The following GOLGA1 variants were observed in gnomAD, a reference collection of about 807,000 sequenced individuals.
GOLGA1 encodes golgin A1.
Under a neutral mutation model 119.7 loss-of-function variants are expected in GOLGA1, and 63 were observed. The observed-to-expected ratio is 0.53, with a 90% confidence interval of 0.43 to 0.65. The LOEUF (loss-of-function observed/expected upper bound fraction) is 0.65, where lower values mean the gene tolerates loss of function less well. Ranked by LOEUF, GOLGA1 falls within the 30% of genes least tolerant of loss-of-function variation. GOLGA1 has a pLI of 0.00. For missense variants in GOLGA1, 798 were observed against 912.8 expected (o/e 0.87, Z 1.62); for synonymous variants, 318 against 333.4 (o/e 0.95, Z 0.50).
At chr9:124,902,302 C>T (rs1291008590) in intron 12 of GOLGA1, among the ~76,000 whole-genome samples, 1 of 150,818 alleles carries the variant, frequency 6.6e-6, no homozygotes, top group Non-Finnish European at 1.5e-5. Flanking sequence ...TTAGTAGAGA[C>T]GGGGTTTCAC....
At chr9:124,902,175 G>A (rs1830121075) in intron 12 of GOLGA1, among the ~76,000 whole-genome samples, 3 of 152,018 alleles carry the variant, frequency 2.0e-5, no homozygotes, top group Admixed American at 2.0e-4. Flanking sequence ...GCAGTGGCAT[G>A]ATCTCGGCTC....
chr9:124,922,483 C>T (rs529893009), intron 8 of GOLGA1, among the ~76,000 whole-genome samples: 59 of 135,418 alleles, frequency 4.4e-4, no homozygotes, highest in African/African-American at 1.6e-3. Flanking sequence ...TCTGGGAGGT[C>T]GAGGCTGCAG....
intron 7 of GOLGA1, among the ~76,000 whole-genome samples, chr9:124,925,660 A>T (rs1166831808): frequency 6.6e-6 from 1 of 152,044 alleles, no homozygotes; most frequent in East Asian, 1.9e-4. Context: ...TTGAGGCTGC[A>T]CTGAGCTGTG....
Position 124,894,965 on chromosome 9 carries a change from A to T in GOLGA1, c.1407+3584T>A, listed in dbSNP as rs187092494. ...CAACAGAGACCCATCCACAACAGAGACCCATCCACAACAGAGAACCCTCCA... is the reference window on the plus strand; with the variant it reads ...CAACAGAGACCCATCCACAACAGAGTCCCATCCACAACAGAGAACCCTCCA... On this transcript the variant is annotated intron_variant, in intron 15 of 22. Transcript: ENST00000373555. Among the ~76,000 whole-genome samples the T allele has an allele frequency of 6.0e-3, 915 of 151,712 alleles. 19 individuals carry two copies. Among genetic ancestry groups the T allele is most frequent in the Admixed American group, 0.054 (828 of 15,222 alleles).
chr9:124,892,486 TA>T (rs1169313377), intron 15 of GOLGA1, among the ~76,000 whole-genome samples: 1 of 152,066 alleles, frequency 6.6e-6, no homozygotes, highest in Admixed American at 6.5e-5. Context: ...ATATTATAAT[TA>T]TTTTTTTGAG....
At chr9:124,883,028 TG>T (rs1829627457) in intron 19 of GOLGA1, among the ~76,000 whole-genome samples, 1 of 152,380 alleles carries the variant, frequency 6.6e-6, no homozygotes, top group East Asian at 1.9e-4. Flanking sequence ...ATGCTTATTT[TG>T]AACACCCTAA....
chr9:124,923,322 G>T, intron 7 of GOLGA1, 99 bp from the exon 8 acceptor site: 1 of 1,001,230 alleles, frequency 1.0e-6, no homozygotes, highest in Non-Finnish European at 1.5e-6. Flanking sequence ...TTTGTCTTTA[G>T]AGACAGAGTC....
chr9:124,930,319 G>A (rs1449924086), intron 4 of GOLGA1, among the ~76,000 whole-genome samples: 1 of 152,168 alleles, frequency 6.6e-6, no homozygotes, highest in Non-Finnish European at 1.5e-5. Flanking sequence ...ATGGGTAGGA[G>A]TAACAGGATA....
At chr9:124,896,556 T>C (rs1456645020) in intron 15 of GOLGA1, among the ~76,000 whole-genome samples, 4 of 152,242 alleles carry the variant, frequency 2.6e-5, no homozygotes, top group African/African-American at 9.6e-5. Context: ...TCTTCTTGCT[T>C]CTGCTCATGC....
rs1280460467 is a variant in GOLGA1, at chr9:124,888,167, A to T, written c.1905+86T>A. On this transcript the variant is annotated intron_variant, in intron 19 of 22. Coordinates refer to ENST00000373555, the MANE Select transcript of GOLGA1 (RefSeq NM_002077.4). The surrounding 1 kb of genome is among the most constrained non-coding windows in gnomAD (Gnocchi z 4.4). ...CAGGAGGTGCGGGGGAAACCACAAA[A>T]ACCTCCAAGGATGGACTGGGTCATT... The T allele has an allele frequency of 1.5e-6, 2 of 1,336,946 alleles. No individual in the cohort carries two copies. The highest frequency in any genetic ancestry group is 1.8e-5 in the Admixed American group (1 of 56,712). 82.8% of individuals were successfully genotyped at this position (1,336,946 alleles called of 1,614,324 possible). A position where few individuals can be genotyped will look rare whatever the true frequency, so the allele number is the denominator to read the frequency against.
chr9:124,915,589 T>A (rs759803633), intron 10 of GOLGA1, among the ~76,000 whole-genome samples: 14 of 152,094 alleles, frequency 9.2e-5, no homozygotes, highest in Non-Finnish European at 2.1e-4. Context: ...GTGGCTTATG[T>A]TTGTAATCCC....
chr9:124,895,798 CCAACAGAGACCCTCCA>C (rs1211809030), intron 15 of GOLGA1, among the ~76,000 whole-genome samples: 1 of 143,664 alleles, frequency 7.0e-6, no homozygotes, highest in Admixed American at 6.9e-5. Context: ...AGAACCATCC[CCAACAGAGACCCTCCA>C]CAACAGAGAA....
In GOLGA1 at chr9:124,900,556, G is replaced by C. The variant is rs77391790; in HGVS notation, c.1066-9C>G. ...TGCTCCAGTTCTCTCACCTGAGAGG[G>C]AAGCAGAAGCATTCTTTCTGTTCAC... On this transcript the variant is annotated splice_polypyrimidine_tract_variant and intron_variant, in intron 12 of 22. Coordinates refer to ENST00000373555, the MANE Select transcript of GOLGA1 (RefSeq NM_002077.4). The C allele has an allele frequency of 8.0e-3, 10,714 of 1,347,626 alleles. 612 individuals are homozygous for C. In the Admixed American group the frequency reaches 0.12, roughly 15 times the overall value. 83.5% of individuals were successfully genotyped at this position (1,347,626 alleles called of 1,614,324 possible). A position where few individuals can be genotyped will look rare whatever the true frequency, so the allele number is the denominator to read the frequency against.
At chr9:124,934,410 A>G (rs1358959534) in intron 3 of GOLGA1, among the ~76,000 whole-genome samples, 2 of 152,206 alleles carry the variant, frequency 1.3e-5, no homozygotes, top group East Asian at 1.9e-4. Flanking sequence ...TGCTGGAAGT[A>G]ACACATGAGC....
Position 124,881,306 on chromosome 9 carries a change from G to A in GOLGA1, c.2137-49C>T, listed in dbSNP as rs578179453. On this transcript the variant is annotated intron_variant, in intron 21 of 22. Coordinates refer to ENST00000373555, the MANE Select transcript of GOLGA1 (RefSeq NM_002077.4). This position sits in a 1 kb window ranked among gnomAD's most constrained non-coding sequence, Gnocchi z 4.9. ...CCATAGGCCTTGGTGAAGGTGAGGC[G>A]GGGTGGGGTCGGGGGAGCTACGTGG... is the stretch of plus-strand genomic sequence containing the variant. 34 of 1,082,492 alleles carry A rather than the reference G, an allele frequency of 3.1e-5. No homozygotes were observed. Among genetic ancestry groups the A allele is most frequent in the African/African-American group, 1.4e-4 (9 of 65,008 alleles). 67.1% of individuals were successfully genotyped at this position (1,082,492 alleles called of 1,614,324 possible).
rs573158637 is a variant in GOLGA1 at position 124,885,619 on chromosome 9, A to C, written c.1905+2634T>G. Among the ~76,000 whole-genome samples, 21 of 152,058 alleles carry C rather than the reference A, an allele frequency of 1.4e-4. No homozygotes were observed. The South Asian group carries it at 4.4e-3, about 32-fold the overall frequency. On this transcript the variant is annotated intron_variant, in intron 19 of 22. Transcript: ENST00000373555. ...AGGCTGGTCAGGGTGGCATAAAGAA[A>C]GTGAGGATGACCAGGGAAAGGCACT...
intron 1 of GOLGA1, among the ~76,000 whole-genome samples, chr9:124,940,541 G>A (rs1390209215): frequency 1.3e-5 from 2 of 152,208 alleles, no homozygotes; most frequent in Non-Finnish European, 2.9e-5. Flanking sequence ...GTCTGGTCAC[G>A]GATGTGCACT....
chr9:124,927,561 A>G (rs747517247), intron 6 of GOLGA1, among the ~76,000 whole-genome samples: 2 of 152,236 alleles, frequency 1.3e-5, no homozygotes, highest in African/African-American at 4.8e-5. Context: ...ATAAATCAAA[A>G]TTAACATTAT....
At chr9:124,902,128 T>C (rs957330523) in intron 12 of GOLGA1, among the ~76,000 whole-genome samples, 8 of 152,154 alleles carry the variant, frequency 5.3e-5, no homozygotes, top group Non-Finnish European at 1.0e-4. Flanking sequence ...ATTATTATTT[T>C]TGAGATGGAG....
Sources: gnomAD v4.1 joint callset for allele counts (sites outside exome capture counted in the v4.1 genomes callset) on GRCh38, gnomAD v4.1.1 for gene constraint, Gnocchi (gnomAD v3.1) non-coding constraint, MANE v1.5 for transcripts, NCBI Gene and HGNC (gene_info 2026-07-23, HGNC 2026-07-21) for gene names.